The following ABCA7 variants were observed in gnomAD, a reference collection of about 807,000 sequenced individuals.
The protein encoded by ABCA7 is ATP binding cassette subfamily A member 7, also known as phospholipid-transporting ATPase ABCA7.
ABCA7 carries 261 observed loss-of-function variants against 227.6 expected under a neutral mutation model. The observed-to-expected ratio is 1.15, with a 90% CI of 1.04 to 1.27. The LOEUF (loss-of-function observed/expected upper bound fraction) is 1.27. Ranked by LOEUF, ABCA7 falls within the 50% of genes most tolerant of loss-of-function variation. The pLI is 0.00. For missense variants in ABCA7, 3,331 were observed against 2,924.5 expected, an observed-to-expected ratio of 1.14 and a Z score of -3.21; for synonymous variants, 1,488 against 1,279.7, an observed-to-expected ratio of 1.16 and a Z score of -3.47.
At position 1,043,791 on chromosome 19, in the gene ABCA7, C is replaced by T. The variant is rs1225254898; in HGVS notation, c.997C>T (p.Pro333Ser). Reference protein sequence around the residue: ...DVREVWEMLGPRIFTFMNDSS... With the variant: ...DVREVWEMLGSRIFTFMNDSS... ...CCGGGAGGTGTGGGAGATGCTGGGA[C>T]CCCGGATCTTCACCTTCATGAACGA... Residue 333 changes from proline (P) to serine (S), a missense_variant, in exon 10 of 47, where the codon CCC (proline) becomes TCC (serine). By Grantham distance (74) the Pro-to-Ser change is moderately conservative. Transcript: ENST00000263094. 6 of 1,612,542 alleles carry T rather than the reference C, an allele frequency of 3.7e-6. No individual in the cohort carries two copies. The highest frequency in any genetic ancestry group is 2.2e-5 in the East Asian group (1 of 44,830).
In ABCA7 at chr19:1,065,383, C is replaced by T; in HGVS notation, c.6399C>T (p.Ser2133=). ...GCCTGCAGCACCCCAAACGCGTCAG[C>T]CAGTTCCTCGATGACCCTAGCACTG... The part of the protein sequence containing the change: ...APGLQHPKRV[S]QFLDDPSTAE... Residue 2133 remains serine, a synonymous_variant, in exon 47 of 47, where the codon AGC becomes AGT. Transcript: ENST00000263094. 1 of 1,613,596 alleles carries T rather than the reference C, an allele frequency of 6.2e-7. No homozygotes were observed. Among genetic ancestry groups the T allele is most frequent in the Non-Finnish European group, 8.5e-7 (1 of 1,179,998 alleles).
chr19:1,063,649 C>T lies in ABCA7; in HGVS notation c.5818C>T (p.Leu1940=), dbSNP rs774945193. The change falls in exon 43 of 47, where the codon CTG becomes TTG. Residue 1940 remains leucine (L), a synonymous_variant. Coordinates refer to ENST00000263094, the MANE Select transcript of ABCA7 (RefSeq NM_019112.4). ...NKRKLATALA[L]VGDPAVVFLD... ...ACGCAAGCTGGCGACGGCCCTGGCG[C>T]TGGTTGGGGACCCAGCCGTGGTGTT... The T allele has an allele frequency of 6.2e-7, 1 of 1,609,756 alleles. No homozygotes were observed. The highest frequency in any genetic ancestry group is 2.2e-5 in the East Asian group (1 of 44,820).
chr19:1,056,878 T>G lies in ABCA7; in HGVS notation c.4587-29T>G. 6.2e-7 allele frequency: 1 copy of G among 1,604,900 alleles called. No individual in the cohort carries two copies. Among genetic ancestry groups the G allele is most frequent in the Non-Finnish European group, 8.5e-7 (1 of 1,174,134 alleles). On this transcript the variant is annotated intron_variant, in intron 33 of 46. Transcript: ENST00000263094. This position sits in a 1 kb window ranked among gnomAD's most constrained non-coding sequence, Gnocchi z 4.3. ...CTGAGCAACCCATGCACCCTCACCC[T>G]ACAACAGCTCTCATGTCTTCACCTC...
chr19:1,047,764 T>G (rs1162110609), intron 16 of ABCA7, 110 bp downstream of exon 16: 13 of 1,095,844 alleles, frequency 1.2e-5, no homozygotes, highest in Admixed American at 3.3e-5. Context: ...CTTATTCCCT[T>G]GGAGAGAAGG....
intron 42 of ABCA7, among the ~76,000 whole-genome samples, chr19:1,062,941 C>T (rs1469846003): frequency 3.7e-5 from 5 of 134,852 alleles, no homozygotes; most frequent in South Asian, 2.7e-4. Flanking sequence ...GCTCCACCCA[C>T]ACCATGGCCC....
Position 1,043,461 on chromosome 19 carries a change from G to A in ABCA7, c.918G>A (p.Lys306=). The part of the protein sequence containing the change: ...LFAPDTPFTR[K]LMAQVNRTFE... ...CACCAGATACACCTTTTACCCGGAA[G>A]CTCATGGCCCAGGTGGGGGCAGCCT... Residue 306 remains lysine (K), a synonymous_variant, in exon 9 of 47, where the codon AAG becomes AAA. Transcript: ENST00000263094. The A allele has an allele frequency of 6.2e-7, 1 of 1,613,324 alleles. No homozygotes were observed. The highest frequency in any genetic ancestry group is 1.1e-5 in the South Asian group (1 of 91,092).
rs1021125169 is a variant in ABCA7 at position 1,064,268 on chromosome 19, C to G, written c.6044+15C>G. 5 of 1,547,110 alleles carry G rather than the reference C, an allele frequency of 3.2e-6. No individual in the cohort carries two copies. In the Admixed American group the frequency reaches 9.8e-5, roughly 30 times the overall value. On this transcript the variant is annotated intron_variant, in intron 45 of 46. Transcript: ENST00000263094. ...CTCAAGGGCAGGTGAGCCGGCGCGG[C>G]CTCCAGGCAGGTGTGGGGTGAGGGT...
intron 45 of ABCA7, 70 bp from the exon 46 acceptor site, chr19:1,064,861 G>T: frequency 6.7e-7 from 1 of 1,501,732 alleles, no homozygotes; most frequent in Non-Finnish European, 8.9e-7. Context: ...GAGTATTAGG[G>T]GCTGGAGGGT....
chr19:1,049,169 G>A, intron 17 of ABCA7, 97 bp from the exon 18 acceptor site: 2 of 1,417,886 alleles, frequency 1.4e-6, no homozygotes, highest in Non-Finnish European at 1.9e-6. Flanking sequence ...ATAGGCCCCG[G>A]CCCAGCAGGT....
At chr19:1,041,770 C>A in intron 3 of ABCA7, 61 bp from the exon 4 acceptor site, 1 of 1,593,824 alleles carries the variant, frequency 6.3e-7, no homozygotes, top group Non-Finnish European at 8.5e-7. Flanking sequence ...TGCCGGGCGA[C>A]CCGATGGGGG....
intron 7 of ABCA7, 69 bp from the exon 8 acceptor site, chr19:1,042,972 C>T (rs1403421894): frequency 3.3e-6 from 5 of 1,532,458 alleles, no homozygotes; most frequent in African/African-American, 1.4e-5. Context: ...GCCCCTGGCC[C>T]AGTGCCCTGC....
Position 1,041,937 on chromosome 19 carries a change from G to A in ABCA7, c.267G>A (p.Glu89=). 1 of 1,595,250 alleles carries A rather than the reference G, an allele frequency of 6.3e-7. No individual in the cohort carries two copies. The highest frequency in any genetic ancestry group is 1.3e-5 in the African/African-American group (1 of 74,464). The change falls in exon 4 of 47, where the codon GAG becomes GAA. Residue 89 remains glutamate (E), a synonymous_variant. Transcript: ENST00000263094. ...NTCFPQLTPG[E]EPGRLSNFND... The stretch of plus-strand genomic sequence containing the variant: ...GCTTTCCGCAGCTGACACCGGGCGA[G>A]GAGCCCGGGCGCCTGAGCAACTTCA...
intron 13 of ABCA7, 111 bp from the exon 14 acceptor site, chr19:1,046,691 C>T (rs1479955968): frequency 1.6e-5 from 20 of 1,240,022 alleles, no homozygotes; most frequent in Non-Finnish European, 2.1e-5. Context: ...AACAGGGAGG[C>T]AAATCTTCCC....
intron 40 of ABCA7, among the ~76,000 whole-genome samples, chr19:1,060,449 G>C (rs572290258): frequency 2.0e-4 from 31 of 151,766 alleles, no homozygotes; most frequent in African/African-American, 7.3e-4. Flanking sequence ...GACCTCAAAT[G>C]ATCCACCCAC....
At chr19:1,045,538 G>A in intron 12 of ABCA7, 1 of 386,664 alleles carries the variant, frequency 2.6e-6, no homozygotes, top group Non-Finnish European at 4.8e-6. Flanking sequence ...AGCTAAAATT[G>A]CACCGGGTGC....
intron 13 of ABCA7, 26 bp downstream of exon 13, chr19:1,046,432 C>T: frequency 1.3e-6 from 2 of 1,521,430 alleles, no homozygotes; most frequent in Non-Finnish European, 1.8e-6. Context: ...CCTCCCCGCT[C>T]TTCCCCGCGG....
chr19:1,042,469 C>G, intron 6 of ABCA7, 72 bp downstream of exon 6: 2 of 1,572,206 alleles, frequency 1.3e-6, no homozygotes, highest in Non-Finnish European at 1.7e-6. Flanking sequence ...ACTGCCCCAC[C>G]CCGGGCCAAG....
intron 12 of ABCA7, 96 bp from the exon 13 acceptor site, chr19:1,046,134 C>T (rs1165239097): frequency 1.4e-6 from 2 of 1,393,134 alleles, no homozygotes; most frequent in African/African-American, 1.4e-5. Context: ...GCCTGGGCGA[C>T]AGAGCAAGAC....
At chr19:1,048,585 A>G (rs906484981) in intron 16 of ABCA7, among the ~76,000 whole-genome samples, 3 of 150,296 alleles carry the variant, frequency 2.0e-5, no homozygotes, top group African/African-American at 4.9e-5. Context: ...CGAGGTGGGC[A>G]GATCACGAGG....
Sources: gnomAD v4.1 joint callset for allele counts (sites outside exome capture counted in the v4.1 genomes callset) on GRCh38, gnomAD v4.1.1 for gene constraint, Gnocchi (gnomAD v3.1) non-coding constraint, MANE v1.5 for transcripts, NCBI Gene and HGNC (gene_info 2026-07-23, HGNC 2026-07-21) for gene names.